The following HS3ST4 variants were observed in gnomAD, a reference collection of about 807,000 sequenced individuals.
HS3ST4 encodes the protein heparan sulfate-glucosamine 3-sulfotransferase 4, also known as heparan sulfate glucosamine 3-O-sulfotransferase 4.
HS3ST4 carries 17 observed loss-of-function variants against 29.2 expected under a neutral mutation model. The observed-to-expected ratio is 0.58, with a 90% CI of 0.40 to 0.87. The LOEUF is 0.87. Ranked by LOEUF, HS3ST4 falls within the 40% of genes least tolerant of loss-of-function variation. The pLI is 0.00. For missense variants in HS3ST4, 627 were observed against 634.5 expected (o/e 0.99, Z 0.13); for synonymous variants, 314 against 285.7 (o/e 1.10, Z -1.00).
chr16:25,839,257 T>G (rs1238061131), intron 1 of HS3ST4, among the ~76,000 whole-genome samples: 1 of 152,196 alleles, frequency 6.6e-6, no homozygotes, highest in African/African-American at 2.4e-5. Context: ...TTTGGGAAGA[T>G]GTATCTGATT....
Position 26,131,564 on chromosome 16 carries a change from G to C in HS3ST4, c.735-4048G>C, listed in dbSNP as rs113957249. ...TTAAAATGAACTTACTTAAAACCTAGAAGAGAGAAGAGAAATTGAGAGAAA... is the reference window on the plus strand; with the variant it reads ...TTAAAATGAACTTACTTAAAACCTACAAGAGAGAAGAGAAATTGAGAGAAA... On this transcript the variant is annotated intron_variant, in intron 1 of 1. Coordinates refer to ENST00000331351, the MANE Select transcript of HS3ST4 (RefSeq NM_006040.3). Among the ~76,000 whole-genome samples, 495 of 152,274 alleles carry C rather than the reference G, an allele frequency of 3.3e-3. 3 individuals carry two copies. Among genetic ancestry groups the C allele is most frequent in the African/African-American group, 0.011 (468 of 41,560 alleles).
chr16:25,973,645 A>G (rs189785770), intron 1 of HS3ST4, among the ~76,000 whole-genome samples: 2 of 152,282 alleles, frequency 1.3e-5, no homozygotes, highest in Admixed American at 6.5e-5. Context: ...TTGCATCTCA[A>G]TTTCCTCATC....
chr16:25,964,223 G>T (rs1177159256), intron 1 of HS3ST4, among the ~76,000 whole-genome samples: 1 of 151,618 alleles, frequency 6.6e-6, no homozygotes, highest in Non-Finnish European at 1.5e-5. Flanking sequence ...AGATACTGGG[G>T]CCTACAAGGG....
At chr16:26,056,394 A>G (rs1898408807) in intron 1 of HS3ST4, among the ~76,000 whole-genome samples, 1 of 152,236 alleles carries the variant, frequency 6.6e-6, no homozygotes, top group East Asian at 1.9e-4. Flanking sequence ...CCAGGCCATT[A>G]TTTTGGTGGT....
chr16:25,872,396 T>A (rs1382007750), intron 1 of HS3ST4, among the ~76,000 whole-genome samples: 1 of 152,194 alleles, frequency 6.6e-6, no homozygotes, highest in Non-Finnish European at 1.5e-5. Context: ...CATTTTATAA[T>A]TTTGCATGAT....
intron 1 of HS3ST4, among the ~76,000 whole-genome samples, chr16:25,753,075 A>C (rs1453087351): frequency 1.3e-5 from 2 of 152,226 alleles, no homozygotes; most frequent in African/African-American, 4.8e-5. Context: ...ATGATGGCTC[A>C]GTAGAGGCCT....
intron 1 of HS3ST4, among the ~76,000 whole-genome samples, chr16:25,789,296 C>CTTCT (rs201345339): frequency 4.2e-4 from 64 of 151,924 alleles, no homozygotes; most frequent in Admixed American, 9.8e-4. Flanking sequence ...TCCATCTCCT[C>CTTCT]TTCTTTCTTT....
intron 1 of HS3ST4, among the ~76,000 whole-genome samples, chr16:25,969,733 C>T (rs1180146602): frequency 2.0e-5 from 3 of 152,164 alleles, no homozygotes; most frequent in Admixed American, 6.5e-5. Context: ...GTTTTGTGCC[C>T]CTTTTCCTGT....
At chr16:26,031,958 A>G (rs1969535381) in intron 1 of HS3ST4, among the ~76,000 whole-genome samples, 1 of 152,238 alleles carries the variant, frequency 6.6e-6, no homozygotes, top group Non-Finnish European at 1.5e-5. Flanking sequence ...GTGTTTAACA[A>G]CTTTTCACAA....
At chr16:25,704,790 A>T (rs1415444118) in intron 1 of HS3ST4, among the ~76,000 whole-genome samples, 1 of 151,568 alleles carries the variant, frequency 6.6e-6, no homozygotes, top group Non-Finnish European at 1.5e-5. Context: ...GAGGCAGGAG[A>T]ATCGCTTGAA....
chr16:25,765,859 G>A (rs1966815226), intron 1 of HS3ST4, among the ~76,000 whole-genome samples: 2 of 152,270 alleles, frequency 1.3e-5, no homozygotes, highest in South Asian at 4.1e-4. Flanking sequence ...AGGGGGCTGT[G>A]CTGGGAGGGG....
At chr16:25,702,297 C>T (rs951266423) in intron 1 of HS3ST4, among the ~76,000 whole-genome samples, 2 of 152,200 alleles carry the variant, frequency 1.3e-5, no homozygotes, top group African/African-American at 4.8e-5. Context: ...AAGGAAAAAA[C>T]AATGTATAAT....
rs759900072 is a variant in HS3ST4 at position 26,136,083 on chromosome 16, C to A, written c.1206C>A (p.Asp402Glu). 6.2e-7 allele frequency: 1 copy of A among 1,613,718 alleles called. No individual in the cohort carries two copies. Among genetic ancestry groups the A allele is most frequent in the East Asian group, 2.2e-5 (1 of 44,820 alleles). The change falls in exon 2 of 2, where the codon GAC becomes GAA. Residue 402 changes from aspartate (D) to glutamate (E), a missense_variant. Asp to Glu is a conservative substitution (Grantham distance 45). This residue lies in a region of HS3ST4 where 225 missense variants were observed against 293.7 expected (regional missense o/e 0.77). Coordinates refer to ENST00000331351, the MANE Select transcript of HS3ST4 (RefSeq NM_006040.3). ...TCCCTTGCCTAAAGAAGCCAGAAGA[C>A]AGCAGTGCCCCGAGGTGCTTAGGCA... ...KGFPCLKKPE[D>E]SSAPRCLGKS...
intron 1 of HS3ST4, among the ~76,000 whole-genome samples, chr16:25,860,104 C>T (rs1422855953): frequency 1.3e-5 from 2 of 152,160 alleles, no homozygotes; most frequent in African/African-American, 4.8e-5. Context: ...CATCCTCCTA[C>T]CCCATTCCTG....
chr16:25,828,252 CTT>C (rs770057035), intron 1 of HS3ST4, among the ~76,000 whole-genome samples: 4 of 70,392 alleles, frequency 5.7e-5, no homozygotes, highest in Non-Finnish European at 1.1e-4. Context: ...CTCTTTCTTT[CTT>C]TCTTTCTTTC....
intron 1 of HS3ST4, among the ~76,000 whole-genome samples, chr16:26,031,763 A>G (rs112320559): frequency 0.032 from 4,925 of 151,904 alleles, 94 homozygotes; most frequent in Middle Eastern, 0.14. Context: ...CTTTCCATAA[A>G]CAATCATGGT....
intron 1 of HS3ST4, among the ~76,000 whole-genome samples, chr16:25,864,881 A>G (rs1170887658): frequency 6.6e-6 from 1 of 150,916 alleles, no homozygotes; most frequent in Non-Finnish European, 1.5e-5. Context: ...TATATATACA[A>G]TGGAATATAT....
chr16:25,827,224 TA>T (rs1451049795), intron 1 of HS3ST4, among the ~76,000 whole-genome samples: 1 of 152,108 alleles, frequency 6.6e-6, no homozygotes, highest in Admixed American at 6.5e-5. Context: ...GTCAGTTGCA[TA>T]GAAAGCCACA....
intron 1 of HS3ST4, among the ~76,000 whole-genome samples, chr16:25,783,489 C>T (rs1236782994): frequency 1.3e-5 from 2 of 151,112 alleles, no homozygotes; most frequent in Non-Finnish European, 2.9e-5. Flanking sequence ...TTTTTTCTGC[C>T]AGTGGCATAA....
Sources: gnomAD v4.1 joint callset for allele counts (sites outside exome capture counted in the v4.1 genomes callset) on GRCh38, gnomAD v4.1.1 for gene constraint, gnomAD v4.1.1 regional missense constraint, MANE v1.5 for transcripts, NCBI Gene and HGNC (gene_info 2026-07-23, HGNC 2026-07-21) for gene names.